Variants in SPTBN4 observed in about 807,000 individuals in gnomAD.
SPTBN4 encodes the protein spectrin beta, non-erythrocytic 4.
Under a neutral mutation model 277.8 loss-of-function variants are expected in SPTBN4, and 96 were observed. The ratio of observed to expected loss-of-function variants is 0.35; its 90% confidence interval spans 0.29 to 0.41. SPTBN4 has a LOEUF of 0.41. Among genes scored for constraint, SPTBN4 ranks in the 10% least tolerant of loss-of-function variants. The pLI is 1.00. For synonymous variants in SPTBN4, 1,481 were observed against 1,580.3 expected, an observed-to-expected ratio of 0.94 and a Z score of 1.49; for missense variants, 3,006 against 3,595.7, an observed-to-expected ratio of 0.84 and a Z score of 4.19.
rs1568780898 is a variant in SPTBN4, at chr19:40,501,953, A to G, written c.817A>G (p.Ile273Val). 1.2e-6 allele frequency: 2 copies of G among 1,614,210 alleles called. No homozygotes were observed. The highest frequency in any genetic ancestry group is 1.7e-6 in the Non-Finnish European group (2 of 1,180,036). Residue 273 changes from isoleucine (I) to valine (V), a missense_variant, in exon 8 of 36, where the codon ATC (isoleucine) becomes GTC (valine). This residue lies in a region of SPTBN4 where 1,759 missense variants were observed against 2,061.5 expected (regional missense o/e 0.85). Transcript: ENST00000598249. ...CATGGAGGCTCCAGATGAGAAGTCCATCATCACCTACGTGGTCTCTTTCTA... is the reference window on the plus strand; with the variant it reads ...CATGGAGGCTCCAGATGAGAAGTCCGTCATCACCTACGTGGTCTCTTTCTA... ...VNMEAPDEKS[I>V]ITYVVSFYHY...
At chr19:40,533,041 T>C (rs894132792) in intron 19 of SPTBN4, among the ~76,000 whole-genome samples, 6 of 152,174 alleles carry the variant, frequency 3.9e-5, no homozygotes, top group Admixed American at 3.3e-4. Flanking sequence ...CTTCTTAATA[T>C]AACCTCCTCT....
Position 40,549,433 on chromosome 19 carries a change from CTGGGGCGGGG to C in SPTBN4, c.4584+21_4584+30del. The C allele has an allele frequency of 1.5e-5, 1 of 66,228 alleles. No homozygotes were observed. The highest frequency in any genetic ancestry group is 2.3e-5 in the Non-Finnish European group (1 of 42,632). 4.1% of individuals were successfully genotyped at this position (66,228 alleles called of 1,614,324 possible). On this transcript the variant is annotated intron_variant, in intron 21 of 35. Coordinates refer to ENST00000598249, the MANE Select transcript of SPTBN4 (RefSeq NM_020971.3). ...GAGCTGGTGAGGCCAGCGCAGGGGC[CTGGGGCGGGG>C]CGGGGCGGGGCGGTGGGGCGGAGAA...
At chr19:40,530,569 G>A (rs2080654806) in intron 18 of SPTBN4, 1 of 980,730 alleles carries the variant, frequency 1.0e-6, no homozygotes, top group Non-Finnish European at 1.2e-6. Context: ...GGGACGCCCC[G>A]CCAACGCCAC....
At chr19:40,512,038 C>G (rs758393973) in intron 13 of SPTBN4, among the ~76,000 whole-genome samples, 23 of 152,240 alleles carry the variant, frequency 1.5e-4, no homozygotes, top group South Asian at 4.1e-4. Flanking sequence ...GCAGGAGAAT[C>G]GCTTAAACCT....
At position 40,497,495 on chromosome 19, in the gene SPTBN4, T is replaced by C. The variant is rs747981444; in HGVS notation, c.675T>C (p.Asp225=). ...GCTCTGTGCCCCTGCCCAGGCCTGA[T>C]CTCGTGGACTTCAGCAAACTCACCA... ...FNALIHRHRP[D]LVDFSKLTKS... is the part of the protein sequence containing the mutation. Residue 225 remains aspartate, a synonymous_variant, in exon 7 of 36, where the codon GAT becomes GAC. Coordinates refer to ENST00000598249, the MANE Select transcript of SPTBN4 (RefSeq NM_020971.3). 17 of 1,613,770 alleles carry C rather than the reference T, an allele frequency of 1.1e-5. No individual in the cohort carries two copies. The highest frequency in any genetic ancestry group is 1.3e-5 in the Non-Finnish European group (15 of 1,179,766).
intron 6 of SPTBN4, among the ~76,000 whole-genome samples, chr19:40,496,503 C>G (rs1029712135): frequency 6.6e-6 from 1 of 152,006 alleles, no homozygotes; most frequent in Non-Finnish European, 1.5e-5. Context: ...AGGCTGGTTT[C>G]AAACTCCTGA....
chr19:40,534,101 G>C lies in SPTBN4; in HGVS notation c.4117G>C (p.Glu1373Gln). ...GCAGGAGGGCCAGCAACTGATGCAG[G>C]AGAAGCCCGAACTGGCGGCCTCCGT... ...IEREGQQLMQ[E>Q]KPELAASVRK... Residue 1373 changes from glutamate (E) to glutamine (Q), a missense_variant, in exon 20 of 36, where the codon GAG becomes CAG. Physicochemically the swap from Glu to Gln is conservative, Grantham distance 29. Around this residue, in one of 5 missense-constraint regions of SPTBN4, gnomAD observed 1,759 missense variants for 2,061.5 expected, o/e 0.85. Coordinates refer to ENST00000598249, the MANE Select transcript of SPTBN4 (RefSeq NM_020971.3). The C allele has an allele frequency of 6.2e-7, 1 of 1,606,710 alleles. No individual in the cohort carries two copies. Among genetic ancestry groups the C allele is most frequent in the Non-Finnish European group, 8.5e-7 (1 of 1,174,416 alleles).
chr19:40,547,804 G>A (rs2080875150), intron 20 of SPTBN4, among the ~76,000 whole-genome samples: 1 of 152,144 alleles, frequency 6.6e-6, no homozygotes, highest in Non-Finnish European at 1.5e-5. Flanking sequence ...TTTTTCATAT[G>A]TCTGTTGGCT....
rs113129843 is a variant in SPTBN4 at position 40,497,672 on chromosome 19, C to T, written c.784+68C>T. 937 of 1,291,402 alleles carry T rather than the reference C, an allele frequency of 7.3e-4. 7 individuals carry two copies. The African/African-American group carries it at 0.012, about 17-fold the overall frequency. 80.0% of individuals were successfully genotyped at this position (1,291,402 alleles called of 1,614,324 possible). A position where few individuals can be genotyped will look rare whatever the true frequency, so the allele number is the denominator to read the frequency against. On this transcript the variant is annotated intron_variant, in intron 7 of 35. Transcript: ENST00000598249. The stretch of plus-strand genomic sequence containing the variant: ...CTCCCAACCCCAATGCCATGTCACA[C>T]TCAACTCCATCCCACCCCAGCACCA...
chr19:40,568,534 C>G lies in SPTBN4; in HGVS notation c.6956+252C>G, dbSNP rs1486301916. The stretch of plus-strand genomic sequence containing the variant: ...CCTTTCTCCAGACGTAGGTTCTCGG[C>G]CCCTGGGTTGTGACTCCTGCATCAA... On this transcript the variant is annotated intron_variant, in intron 31 of 35. Coordinates refer to ENST00000598249, the MANE Select transcript of SPTBN4 (RefSeq NM_020971.3). Among the ~76,000 whole-genome samples, 5 of 152,314 alleles carry G rather than the reference C, an allele frequency of 3.3e-5. No homozygotes were observed. The South Asian group carries it at 1.0e-3, about 32-fold the overall frequency.
chr19:40,558,947 T>TATTATTATTATGATG (rs1026792401), intron 26 of SPTBN4, among the ~76,000 whole-genome samples: 1 of 146,140 alleles, frequency 6.8e-6, no homozygotes, highest in African/African-American at 2.6e-5. Context: ...TTATTATTAT[T>TATTATTATTATGATG]ATGAGGCAGA....
intron 2 of SPTBN4, among the ~76,000 whole-genome samples, chr19:40,477,291 C>T (rs915485547): frequency 4.6e-5 from 7 of 151,694 alleles, no homozygotes; most frequent in African/African-American, 1.7e-4. Flanking sequence ...TCAAGTGATC[C>T]TCCCACCTTG....
rs8101070 is a variant in SPTBN4, at chr19:40,571,985, C to T, written c.7320-34C>T. The T allele has an allele frequency of 0.45, 675,225 of 1,510,506 alleles. 157,129 individuals carry two copies. Among genetic ancestry groups the T allele is most frequent in the Non-Finnish European group, 0.48 (540,722 of 1,128,230 alleles). The allele number at this position is 1,510,506 out of a possible 1,614,324, so 93.6% of individuals were successfully genotyped here. On this transcript the variant is annotated intron_variant, in intron 33 of 35. Coordinates refer to ENST00000598249, the MANE Select transcript of SPTBN4 (RefSeq NM_020971.3). ...TGAAGAGTTATTAGGCAGAGTGCTG[C>T]GGCTCTGCCTTGAGCCCCATCTTGT...
At chr19:40,529,271 C>A in intron 18 of SPTBN4, 140 bp downstream of exon 18, 1 of 747,328 alleles carries the variant, frequency 1.3e-6, no homozygotes, top group Non-Finnish European at 2.2e-6. Flanking sequence ...AGGGGGCGCG[C>A]GGAGCCGGGT....
intron 13 of SPTBN4, among the ~76,000 whole-genome samples, chr19:40,511,503 A>T (rs908616626): frequency 6.6e-5 from 10 of 152,230 alleles, no homozygotes. Flanking sequence ...CGTTCCTTCT[A>T]TTCTATTCCA....
chr19:40,536,460 C>T (rs945167273), intron 20 of SPTBN4, among the ~76,000 whole-genome samples: 7 of 152,054 alleles, frequency 4.6e-5, no homozygotes, highest in South Asian at 4.2e-4. Context: ...GTGATTCACC[C>T]GCCTTGGCCT....
Position 40,547,492 on chromosome 19 carries a change from G to A in SPTBN4, c.4360-1697G>A, listed in dbSNP as rs542462133. Among the ~76,000 whole-genome samples, 107 of 152,268 alleles carry A rather than the reference G, an allele frequency of 7.0e-4. 1 individual carries two copies. Among genetic ancestry groups the A allele is most frequent in the African/African-American group, 2.3e-3 (95 of 41,534 alleles). On this transcript the variant is annotated intron_variant, in intron 20 of 35. Transcript: ENST00000598249. Reference sequence around the variant, plus strand: ...GTGAATAGTGCCACAATAAACATACGTGTGCATGTGTCTTTATAGTAGCAT... The same window carrying A: ...GTGAATAGTGCCACAATAAACATACATGTGCATGTGTCTTTATAGTAGCAT...
At chr19:40,571,872 A>G (rs889289524) in intron 33 of SPTBN4, 147 bp from the exon 34 acceptor site, 27 of 843,538 alleles carry the variant, frequency 3.2e-5, no homozygotes, top group Non-Finnish European at 4.0e-5. Flanking sequence ...CTTAAGGAAG[A>G]GCATTTTAGG....
intron 3 of SPTBN4, 108 bp from the exon 4 acceptor site, chr19:40,489,967 C>G: frequency 8.3e-7 from 1 of 1,198,680 alleles, no homozygotes; most frequent in South Asian, 1.6e-5. Context: ...CCTGGACACT[C>G]AGGGGGCGTG....
Sources: allele counts gnomAD v4.1 joint callset (sites outside exome capture counted in the v4.1 genomes callset), GRCh38; gene constraint gnomAD v4.1.1; regional missense constraint gnomAD v4.1.1; transcripts MANE v1.5; gene names NCBI Gene and HGNC (gene_info 2026-07-23, HGNC 2026-07-21).